Variants in RASGEF1B observed in about 807,000 individuals in gnomAD.
RASGEF1B encodes RasGEF domain family member 1B, also known as ras-GEF domain-containing family member 1B.
In RASGEF1B, 30 loss-of-function variants were observed where a neutral mutation model predicts 65.7. The ratio of observed to expected loss-of-function variants is 0.46; its 90% confidence interval spans 0.34 to 0.62. The LOEUF (loss-of-function observed/expected upper bound fraction) is 0.62, where lower values mean the gene tolerates loss of function less well. RASGEF1B is among the 20% of genes least tolerant of loss of function. The pLI is 0.01. For synonymous variants in RASGEF1B, 175 were observed against 194.8 expected, an observed-to-expected ratio of 0.90 and a Z score of 0.85; for missense variants, 495 against 580.1, an observed-to-expected ratio of 0.85 and a Z score of 1.51.
rs1277392153 is a variant in RASGEF1B at position 81,445,579 on chromosome 4, A to G, written c.875T>C (p.Val292Ala). ...GCCAATGTTAAAACACTCCCGAGCTACGTCAATGAAATACTCAATCATTCT... is the reference window on the plus strand; with the variant it reads ...GCCAATGTTAAAACACTCCCGAGCTGCGTCAATGAAATACTCAATCATTCT... ...RARMIEYFID[V>A]ARECFNIGNF... The change falls in exon 8 of 14, where the codon GTA (valine) becomes GCA (alanine). Residue 292 changes from valine to alanine, a missense_variant. Val to Ala is a moderately conservative substitution (Grantham distance 64, BLOSUM62 0). Transcript: ENST00000264400. The G allele has an allele frequency of 6.2e-7, 1 of 1,614,010 alleles. No homozygotes were observed. The highest frequency in any genetic ancestry group is 8.5e-7 in the Non-Finnish European group (1 of 1,179,992).
At chr4:81,434,084 C>T (rs1411344817) in intron 11 of RASGEF1B, 121 bp from the exon 12 acceptor site, 18 of 866,384 alleles carry the variant, frequency 2.1e-5, no homozygotes, top group Non-Finnish European at 3.2e-5. Context: ...GGGTTTCACT[C>T]TGTCACCAAA....
At chr4:81,469,452 C>T (rs933580701) in intron 1 of RASGEF1B, among the ~76,000 whole-genome samples, 4 of 152,148 alleles carry the variant, frequency 2.6e-5, no homozygotes, top group African/African-American at 9.7e-5. Context: ...CCCAGCTCCT[C>T]CCCTTCAATT....
At chr4:81,440,730 T>C in intron 10 of RASGEF1B, 104 bp downstream of exon 10, 1 of 702,106 alleles carries the variant, frequency 1.4e-6, no homozygotes, top group Middle Eastern at 2.5e-4. Context: ...GTCTCTCTCT[T>C]AAATCTTAAC....
In RASGEF1B at chr4:81,448,216, C is replaced by G. The variant is rs1219817150; in HGVS notation, c.507G>C (p.Gln169His). Residue 169 changes from glutamine to histidine, a missense_variant, in exon 5 of 14, where the codon CAG (glutamine) becomes CAC (histidine). Coordinates refer to ENST00000264400, the MANE Select transcript of RASGEF1B (RefSeq NM_152545.3). ...CLIRKLAALS[Q>H]YEEVLAKISS... ...TGATTTTTGCCAGGACTTCTTCGTA[C>G]TGGCTGAGCGCAGCAAGCTTGCGGA... is the stretch of plus-strand genomic sequence containing the variant. 8 of 1,613,852 alleles carry G rather than the reference C, an allele frequency of 5.0e-6. No individual in the cohort carries two copies. The highest frequency in any genetic ancestry group is 6.8e-6 in the Non-Finnish European group (8 of 1,180,026).
intron 1 of RASGEF1B, among the ~76,000 whole-genome samples, chr4:81,466,770 A>AAAAGAAAG (rs1553947087): frequency 0.056 from 2,017 of 36,092 alleles, 162 homozygotes; most frequent in South Asian, 0.085. Flanking sequence ...AAAAAAAAAA[A>AAAAGAAAG]AAAGAAAGAA....
intron 10 of RASGEF1B, among the ~76,000 whole-genome samples, chr4:81,435,127 T>C (rs532753838): frequency 1.7e-4 from 26 of 152,088 alleles, no homozygotes; most frequent in Non-Finnish European, 3.1e-4. Flanking sequence ...ATACCTATCA[T>C]TGGGCCGGGC....
In RASGEF1B at chr4:81,433,857, G is replaced by A; in HGVS notation, c.1307C>T (p.Pro436Leu). Reference sequence around the variant, plus strand: ...GGCCTTACCATCTTCACTGAAGACTGGTACTGTGAGCAGATACTGCAAGAT... The same window carrying A: ...GGCCTTACCATCTTCACTGAAGACTAGTACTGTGAGCAGATACTGCAAGAT... ...RKILQYLLTV[P>L]VFSEDALYLA... Residue 436 changes from proline to leucine, a missense_variant, in exon 12 of 14, where the codon CCA becomes CTA. Pro to Leu is a moderately conservative substitution (Grantham distance 98). Coordinates refer to ENST00000264400, the MANE Select transcript of RASGEF1B (RefSeq NM_152545.3). 1 of 1,613,914 alleles carries A rather than the reference G, an allele frequency of 6.2e-7. No homozygotes were observed. The highest frequency in any genetic ancestry group is 8.5e-7 in the Non-Finnish European group (1 of 1,179,922).
At chr4:81,429,726 C>G (rs532802775) in intron 13 of RASGEF1B, among the ~76,000 whole-genome samples, 1 of 152,318 alleles carries the variant, frequency 6.6e-6, no homozygotes, top group African/African-American at 2.4e-5. Context: ...TAGAAGGGCA[C>G]GCCGGCAGGG....
chr4:81,459,560 G>A (rs1427774946), intron 1 of RASGEF1B, 46 bp from the exon 2 acceptor site: 73 of 1,403,704 alleles, frequency 5.2e-5, no homozygotes, highest in Non-Finnish European at 6.8e-5. Flanking sequence ...GCAATATGCA[G>A]TATGAAAATA....
intron 4 of RASGEF1B, chr4:81,454,707 C>T (rs950348595): frequency 6.6e-6 from 1 of 152,208 alleles, no homozygotes; most frequent in Non-Finnish European, 1.5e-5. Context: ...ACCGTCATAA[C>T]TTGCACAGTG....
At chr4:81,467,692 G>C (rs1467271509) in intron 1 of RASGEF1B, among the ~76,000 whole-genome samples, 2 of 152,116 alleles carry the variant, frequency 1.3e-5, no homozygotes, top group Non-Finnish European at 2.9e-5. Context: ...TGAGAAACTG[G>C]TATTTGTGAT....
chr4:81,456,232 A>C (rs1468479151), intron 4 of RASGEF1B: 1 of 467,736 alleles, frequency 2.1e-6, no homozygotes, highest in African/African-American at 2.0e-5. Context: ...TTTATGATTT[A>C]TTAATCTACT....
At chr4:81,428,498 G>T (rs908668479) in intron 13 of RASGEF1B, among the ~76,000 whole-genome samples, 2 of 152,072 alleles carry the variant, frequency 1.3e-5, no homozygotes, top group African/African-American at 4.8e-5. Flanking sequence ...AAGTAATATG[G>T]TATAACAACT....
chr4:81,427,933 T>C (rs1721284942), intron 13 of RASGEF1B, 141 bp from the exon 14 acceptor site: 1 of 860,442 alleles, frequency 1.2e-6, no homozygotes, highest in Non-Finnish European at 1.7e-6. Context: ...AAAAAAAAAA[T>C]CAAGCTTTTA....
chr4:81,430,147 A>C (rs1721373951), intron 13 of RASGEF1B, among the ~76,000 whole-genome samples: 1 of 152,138 alleles, frequency 6.6e-6, no homozygotes, highest in African/African-American at 2.4e-5. Flanking sequence ...TAAAGATACA[A>C]AAAATTAGCC....
intron 8 of RASGEF1B, among the ~76,000 whole-genome samples, chr4:81,443,111 C>T (rs978191618): frequency 1.3e-5 from 2 of 152,236 alleles, no homozygotes; most frequent in East Asian, 3.9e-4. Context: ...CTCATTCCAA[C>T]AAGCCATGCT....
Position 81,468,399 on chromosome 4 carries a change from T to G in RASGEF1B, c.-7+3371A>C, listed in dbSNP as rs189916842. On this transcript the variant is annotated intron_variant, in intron 1 of 13. Coordinates refer to ENST00000264400, the MANE Select transcript of RASGEF1B (RefSeq NM_152545.3). ...TTGGTAGTCCAGGCTAATTTGTACT[T>G]TCTCTGGGTTAAACTAATTTTCTAA... 3.9e-5 allele frequency among the ~76,000 whole-genome samples: 6 copies of G among 152,320 alleles called. No homozygotes were observed. The East Asian group carries it at 1.2e-3, about 29-fold the overall frequency.
At chr4:81,440,550 G>C (rs1356838117) in intron 10 of RASGEF1B, among the ~76,000 whole-genome samples, 1 of 152,148 alleles carries the variant, frequency 6.6e-6, no homozygotes, top group East Asian at 1.9e-4. Flanking sequence ...CTAATGCTAT[G>C]AGTCATCTTA....
intron 1 of RASGEF1B, among the ~76,000 whole-genome samples, chr4:81,469,040 T>C (rs2110002131): frequency 6.6e-6 from 1 of 152,306 alleles, no homozygotes; most frequent in East Asian, 1.9e-4. Context: ...TGCATGGATC[T>C]TTTTTGTAGT....
Sources: gnomAD v4.1 joint callset for allele counts (sites outside exome capture counted in the v4.1 genomes callset) on GRCh38, gnomAD v4.1.1 for gene constraint, MANE v1.5 for transcripts, NCBI Gene and HGNC (gene_info 2026-07-23, HGNC 2026-07-21) for gene names.